PAN3: variants seen among roughly 807,000 people sequenced by gnomAD.
PAN3 encodes PAN2-PAN3 deadenylation complex subunit PAN3.
In PAN3, 19 loss-of-function variants were observed where a neutral mutation model predicts 96.2. The observed-to-expected ratio is 0.20, with a 90% confidence interval of 0.14 to 0.29. PAN3 has a LOEUF of 0.29. Among genes scored for constraint, PAN3 ranks in the 10% least tolerant of loss-of-function variants. PAN3 has a pLI of 1.00. For synonymous variants in PAN3, 433 were observed against 406.6 expected (o/e 1.06, Z -0.78); for missense variants, 882 against 1,108.1 (o/e 0.80, Z 2.90).
At chr13:28,198,704 A>C (rs1878360640) in intron 5 of PAN3, among the ~76,000 whole-genome samples, 1 of 152,210 alleles carries the variant, frequency 6.6e-6, no homozygotes, top group Non-Finnish European at 1.5e-5. Context: ...GAATGTCTTT[A>C]CTCCCAAACT....
chr13:28,292,246 T>C (rs1471127251), intron 18 of PAN3, 136 bp from the exon 19 acceptor site: 24 of 842,674 alleles, frequency 2.8e-5, no homozygotes, highest in Non-Finnish European at 3.6e-5. Flanking sequence ...TGATGAATGA[T>C]ATAAATGTAC....
chr13:28,268,144 AGTAC>A (rs1566246044), intron 12 of PAN3, among the ~76,000 whole-genome samples: 1 of 152,192 alleles, frequency 6.6e-6, no homozygotes, highest in Non-Finnish European at 1.5e-5. Context: ...TCCCTGCCTA[AGTAC>A]AACCATTGTG....
chr13:28,163,332 A>G (rs971619843), intron 1 of PAN3, among the ~76,000 whole-genome samples: 1 of 152,158 alleles, frequency 6.6e-6, no homozygotes, highest in African/African-American at 2.4e-5. Context: ...TTTTTCTCAA[A>G]TGAGTGATAT....
At chr13:28,206,635 A>G (rs1438623654) in intron 5 of PAN3, among the ~76,000 whole-genome samples, 2 of 151,932 alleles carry the variant, frequency 1.3e-5, no homozygotes, top group Non-Finnish European at 2.9e-5. Context: ...AACTGACAAA[A>G]TCAACGGCAT....
rs45451300 is a variant in PAN3, at chr13:28,185,715, G to T, written c.690+7780G>T. Among the ~76,000 whole-genome samples the T allele has an allele frequency of 6.8e-3, 1,038 of 152,092 alleles. 10 individuals carry two copies. The highest frequency in any genetic ancestry group is 0.024 in the African/African-American group (1,003 of 41,494). On this transcript the variant is annotated intron_variant, in intron 4 of 18. Coordinates refer to ENST00000380958, the MANE Select transcript of PAN3 (RefSeq NM_175854.8). Reference sequence around the variant, plus strand: ...TTATATACAGTTTGTAATACTGTTGGCTGTACTCATCATCTAATTTTATAG... The same window carrying T: ...TTATATACAGTTTGTAATACTGTTGTCTGTACTCATCATCTAATTTTATAG...
chr13:28,270,904 G>A (rs761117545), intron 13 of PAN3, 38 bp downstream of exon 13: 116 of 1,579,072 alleles, frequency 7.3e-5, no homozygotes, highest in African/African-American at 1.1e-4. Context: ...TTTATTGAGC[G>A]TCTTACCTTT....
intron 12 of PAN3, among the ~76,000 whole-genome samples, chr13:28,270,476 A>G (rs1593608071): frequency 6.6e-6 from 1 of 152,228 alleles, no homozygotes; most frequent in East Asian, 1.9e-4. Context: ...AGAGCATTTC[A>G]GTGAGAGCCC....
At chr13:28,204,223 T>C (rs1160819780) in intron 5 of PAN3, among the ~76,000 whole-genome samples, 4 of 152,226 alleles carry the variant, frequency 2.6e-5, no homozygotes, top group Admixed American at 2.0e-4. Flanking sequence ...TAAGTGCAAA[T>C]TCACTTTGAT....
chr13:28,144,718 CTTTTTTTT>C (rs1555267660), intron 1 of PAN3, among the ~76,000 whole-genome samples: 3 of 46,776 alleles, frequency 6.4e-5, no homozygotes, highest in Non-Finnish European at 1.3e-4. Context: ...AAAACATCAT[CTTTTTTTT>C]TTTTTTTTTT....
intron 1 of PAN3, among the ~76,000 whole-genome samples, chr13:28,174,027 C>T (rs1288381128): frequency 6.6e-5 from 10 of 152,128 alleles, no homozygotes; most frequent in African/African-American, 2.4e-4. Context: ...CATATTGTGC[C>T]TGGGGGCTAT....
At chr13:28,232,632 G>C (rs1882696365) in intron 6 of PAN3, 1 of 151,630 alleles carries the variant, frequency 6.6e-6, no homozygotes, top group Non-Finnish European at 1.5e-5. Context: ...AATTTATAAA[G>C]ATTAAAAAAT....
intron 1 of PAN3, among the ~76,000 whole-genome samples, chr13:28,154,557 C>T (rs981474070): frequency 2.0e-5 from 3 of 152,026 alleles, no homozygotes; most frequent in African/African-American, 2.4e-5. Flanking sequence ...TACAATGGCA[C>T]GATTTTGGCT....
intron 6 of PAN3, among the ~76,000 whole-genome samples, chr13:28,247,726 A>C (rs1884342830): frequency 6.6e-6 from 1 of 152,164 alleles, no homozygotes; most frequent in South Asian, 2.1e-4. Context: ...ATGGAAAATT[A>C]GTTGCCTATA....
At chr13:28,159,084 A>G (rs1872582470) in intron 1 of PAN3, among the ~76,000 whole-genome samples, 1 of 152,144 alleles carries the variant, frequency 6.6e-6, no homozygotes, top group African/African-American at 2.4e-5. Flanking sequence ...TTACCATTTG[A>G]CCCAGCAATT....
At chr13:28,253,440 G>A (rs1415333993) in intron 6 of PAN3, among the ~76,000 whole-genome samples, 1 of 152,140 alleles carries the variant, frequency 6.6e-6, no homozygotes, top group Non-Finnish European at 1.5e-5. Flanking sequence ...AAAATATACA[G>A]ATGACACAAA....
intron 1 of PAN3, among the ~76,000 whole-genome samples, chr13:28,163,965 C>T (rs575679595): frequency 1.3e-5 from 2 of 152,166 alleles, no homozygotes; most frequent in South Asian, 2.1e-4. Context: ...TAGTGGTGTG[C>T]GCCTGTAGTC....
intron 14 of PAN3, among the ~76,000 whole-genome samples, chr13:28,276,613 G>A (rs1887081042): frequency 6.6e-6 from 1 of 152,124 alleles, no homozygotes; most frequent in African/African-American, 2.4e-5. Context: ...TAGAGTGTGA[G>A]GAAAAATAGT....
intron 17 of PAN3, among the ~76,000 whole-genome samples, chr13:28,283,649 A>G (rs1868575480): frequency 6.6e-6 from 1 of 152,238 alleles, no homozygotes; most frequent in African/African-American, 2.4e-5. Flanking sequence ...AGATATGTTT[A>G]GTATATGCCA....
intron 2 of PAN3, among the ~76,000 whole-genome samples, chr13:28,175,969 A>G (rs1443686858): frequency 1.3e-5 from 2 of 152,190 alleles, no homozygotes; most frequent in Non-Finnish European, 2.9e-5. Flanking sequence ...TGAGACAAGG[A>G]TTTGTGGGCA....
Sources: gnomAD v4.1 joint callset for allele counts (sites outside exome capture counted in the v4.1 genomes callset) on GRCh38, gnomAD v4.1.1 for gene constraint, MANE v1.5 for transcripts, NCBI Gene and HGNC (gene_info 2026-07-23, HGNC 2026-07-21) for gene names.